Variants in DIDO1 observed in about 807,000 individuals in gnomAD.
The protein encoded by DIDO1 is death inducer-obliterator 1.
A neutral mutation model predicts 99.4 loss-of-function variants in DIDO1; 16 were observed. The observed-to-expected ratio is 0.16, with a 90% CI of 0.11 to 0.24. DIDO1 has a LOEUF of 0.24. Ranked by LOEUF, DIDO1 falls within the 10% of genes least tolerant of loss-of-function variation. DIDO1 has a pLI of 1.00. For missense variants in DIDO1, 2,996 were observed against 3,014.0 expected (o/e 0.99, Z 0.14); for synonymous variants, 1,366 against 1,239.1 (o/e 1.10, Z -2.15).
rs1461943467 is a variant in DIDO1 at position 62,936,632 on chromosome 20, G to A, written c.-200+1164C>T. On this transcript the variant is annotated intron_variant, in intron 1 of 15. Transcript: ENST00000266070. ...TGTAATCCCAGCACTTTGGGAGTCC[G>A]AGGCGGGCGGATCACGAGGTCAAGA... Among the ~76,000 whole-genome samples the A allele has an allele frequency of 3.9e-5, 6 of 152,126 alleles. 1 individual carries two copies. The highest frequency in any genetic ancestry group is 1.3e-4 in the Admixed American group (2 of 15,286).
chr20:62,901,227 C>A lies in DIDO1; in HGVS notation c.1589-4231G>T, dbSNP rs139667464. ...AGCCAGGACGCCCTTGCAGGGTCCA[C>A]AGCTAGACTGCCGTGTTTTGGAATA... is the stretch of plus-strand genomic sequence containing the variant. On this transcript the variant is annotated intron_variant, in intron 6 of 15. Transcript: ENST00000395343. Among the ~76,000 whole-genome samples the A allele has an allele frequency of 2.4e-3, 362 of 152,326 alleles. 6 individuals are homozygous for A. In the East Asian group the frequency reaches 0.032, roughly 13 times the overall value.
intron 2 of DIDO1, among the ~76,000 whole-genome samples, chr20:62,912,016 G>C (rs1304664425): frequency 6.6e-6 from 1 of 152,198 alleles, no homozygotes; most frequent in Non-Finnish European, 1.5e-5. Context: ...CAGCACCTCC[G>C]CAGGCAGATG....
In DIDO1 at chr20:62,894,315, T is replaced by C. The variant is rs1342098916; in HGVS notation, c.2572+98A>G. Reference sequence around the variant, plus strand: ...AAATCATTCTGGCCCTTCTGCGTGTTTAAGCTTACGTGCGGTTGCTTTTAG... The same window carrying C: ...AAATCATTCTGGCCCTTCTGCGTGTCTAAGCTTACGTGCGGTTGCTTTTAG... On this transcript the variant is annotated intron_variant, in intron 11 of 15. Coordinates refer to ENST00000395343, the MANE Select transcript of DIDO1 (RefSeq NM_001193369.2). This position sits in a 1 kb window ranked among gnomAD's most constrained non-coding sequence, Gnocchi z 4.4. 1 of 1,580,490 alleles carries C rather than the reference T, an allele frequency of 6.3e-7. No individual in the cohort carries two copies. Among genetic ancestry groups the C allele is most frequent in the African/African-American group, 1.4e-5 (1 of 74,018 alleles).
chr20:62,919,033 C>A (rs527570408), intron 1 of DIDO1, among the ~76,000 whole-genome samples: 31 of 152,178 alleles, frequency 2.0e-4, no homozygotes, highest in Non-Finnish European at 3.5e-4. Flanking sequence ...CGTTCATGTA[C>A]CATGATGGCC....
In DIDO1 at chr20:62,879,201, C is replaced by A; in HGVS notation, c.*32G>T. 2 of 1,451,848 alleles carry A rather than the reference C, an allele frequency of 1.4e-6. No individual in the cohort carries two copies. The highest frequency in any genetic ancestry group is 1.8e-6 in the Non-Finnish European group (2 of 1,107,386). The allele number at this position is 1,451,848 out of a possible 1,614,324, so 89.9% of individuals were successfully genotyped here. On this transcript the variant is annotated 3_prime_UTR_variant, in exon 16 of 16. Transcript: ENST00000395343. The surrounding 1 kb of genome is among the most constrained non-coding windows in gnomAD (Gnocchi z 6.3). ...TGTTCAACGCATCTTACGAACGTGGCTTTAAAAAGGGTCTCTGCCCGGCCG... is the reference window on the plus strand; with the variant it reads ...TGTTCAACGCATCTTACGAACGTGGATTTAAAAAGGGTCTCTGCCCGGCCG...
chr20:62,905,267 A>G (rs2064775140), intron 6 of DIDO1: 3 of 1,352,654 alleles, frequency 2.2e-6, no homozygotes, highest in Non-Finnish European at 2.9e-6. Flanking sequence ...CGTGGGGCCT[A>G]TGAAGCAGGA....
chr20:62,900,361 T>G (rs562727847), intron 6 of DIDO1, among the ~76,000 whole-genome samples: 1 of 152,334 alleles, frequency 6.6e-6, no homozygotes, highest in Admixed American at 6.5e-5. Flanking sequence ...AGCAGCACAC[T>G]CTAATTGGCC....
chr20:62,897,831 G>A (rs918999549), intron 6 of DIDO1, among the ~76,000 whole-genome samples: 1 of 152,180 alleles, frequency 6.6e-6, no homozygotes, highest in Admixed American at 6.5e-5. Flanking sequence ...GGGGACAGAT[G>A]GCCAGGGGAC....
intron 1 of DIDO1, among the ~76,000 whole-genome samples, chr20:62,932,397 A>G (rs2065340544): frequency 6.6e-6 from 1 of 152,254 alleles, no homozygotes; most frequent in Non-Finnish European, 1.5e-5. Context: ...ACACAGAGAG[A>G]ACTATCCACA....
intron 14 of DIDO1, 114 bp from the exon 15 acceptor site, chr20:62,891,269 C>T (rs2064392045): frequency 6.7e-7 from 1 of 1,496,868 alleles, no homozygotes; most frequent in African/African-American, 1.4e-5. Flanking sequence ...GACTCACAGC[C>T]ACGATCTCAC....
At chr20:62,908,492 G>A (rs764934238) in intron 4 of DIDO1, among the ~76,000 whole-genome samples, 12 of 152,142 alleles carry the variant, frequency 7.9e-5, no homozygotes, top group African/African-American at 2.7e-4. Flanking sequence ...GGAAACTCAC[G>A]CACCACAAAC....
In DIDO1 at chr20:62,894,931, G is replaced by C. The variant is rs770602376; in HGVS notation, c.2332-17C>G. 1 of 1,610,782 alleles carries C rather than the reference G, an allele frequency of 6.2e-7. No homozygotes were observed. The highest frequency in any genetic ancestry group is 1.1e-5 in the South Asian group (1 of 90,786). ...CTCCATCACCTGAAATGAAAAAGAC[G>C]AAACAGAGCTTAGGCCTTGTTTTCT... On this transcript the variant is annotated splice_polypyrimidine_tract_variant and intron_variant, in intron 9 of 15. Transcript: ENST00000395343. The surrounding 1 kb of genome is among the most constrained non-coding windows in gnomAD (Gnocchi z 4.4).
chr20:62,924,441 T>C (rs1235611384), intron 1 of DIDO1, among the ~76,000 whole-genome samples: 2 of 152,060 alleles, frequency 1.3e-5, no homozygotes, highest in Non-Finnish European at 2.9e-5. Flanking sequence ...TTTACAGAGA[T>C]TCCAAACAAT....
intron 1 of DIDO1, among the ~76,000 whole-genome samples, chr20:62,922,223 C>T (rs1353361655): frequency 3.3e-5 from 3 of 90,328 alleles, no homozygotes; most frequent in African/African-American, 8.7e-5. Flanking sequence ...TATATATACA[C>T]ACACACACAT....
chr20:62,911,105 T>A lies in DIDO1; in HGVS notation c.508A>T (p.Arg170Trp), dbSNP rs777562380. Reference sequence around the variant, plus strand: ...TCAGTGGGCTCCTGTTCCCGCTTCCTGCGAAGGCGATTCTGAAGCTCTTTC... The same window carrying A: ...TCAGTGGGCTCCTGTTCCCGCTTCCAGCGAAGGCGATTCTGAAGCTCTTTC... ...TLKELQNRLR[R>W]KREQEPTERP... The change falls in exon 3 of 16, where the codon AGG becomes TGG. Residue 170 changes from arginine (R) to tryptophan (W), a missense_variant. Physicochemically the swap from Arg to Trp is moderately radical, Grantham distance 101 (BLOSUM62 -3). Coordinates refer to ENST00000395343, the MANE Select transcript of DIDO1 (RefSeq NM_001193369.2). This position sits in a 1 kb window ranked among gnomAD's most constrained non-coding sequence, Gnocchi z 7.0. The A allele has an allele frequency of 6.2e-7, 1 of 1,614,056 alleles. No individual in the cohort carries two copies. Among genetic ancestry groups the A allele is most frequent in the Non-Finnish European group, 8.5e-7 (1 of 1,180,036 alleles).
In DIDO1 at chr20:62,894,792, A is replaced by C; in HGVS notation, c.2436+18T>G. On this transcript the variant is annotated intron_variant, in intron 10 of 15. Transcript: ENST00000395343. This position sits in a 1 kb window ranked among gnomAD's most constrained non-coding sequence, Gnocchi z 4.4. Reference sequence around the variant, plus strand: ...ATTAGTCTATTCTCGGTGAACACAAAATCTCCCAAATGCTTACCTCTGAAT... The same window carrying C: ...ATTAGTCTATTCTCGGTGAACACAACATCTCCCAAATGCTTACCTCTGAAT... The C allele has an allele frequency of 6.2e-7, 1 of 1,601,730 alleles. No individual in the cohort carries two copies. The highest frequency in any genetic ancestry group is 8.5e-7 in the Non-Finnish European group (1 of 1,175,698).
Position 62,879,556 on chromosome 20 carries a change from C to G in DIDO1, c.6400G>C (p.Glu2134Gln). The part of the protein sequence containing the change: ...SRERDWDRPR[E>Q]WDRHRDKDSS... ...TCCTTGTCCCGGTGTCGGTCCCACT[C>G]CCGGGGCCGGTCCCAGTCCCGCTCT... The change falls in exon 16 of 16, where the codon GAG (glutamate) becomes CAG (glutamine). Residue 2134 changes from glutamate to glutamine, a missense_variant. Physicochemically the swap from Glu to Gln is conservative, Grantham distance 29 (BLOSUM62 2). Transcript: ENST00000395343. The surrounding 1 kb of genome is among the most constrained non-coding windows in gnomAD (Gnocchi z 6.3). 2 of 1,601,242 alleles carry G rather than the reference C, an allele frequency of 1.2e-6. No homozygotes were observed. Among genetic ancestry groups the G allele is most frequent in the Non-Finnish European group, 1.7e-6 (2 of 1,179,442 alleles).
At chr20:62,921,413 G>A (rs1418597311) in intron 1 of DIDO1, among the ~76,000 whole-genome samples, 2 of 152,148 alleles carry the variant, frequency 1.3e-5, no homozygotes, top group East Asian at 3.9e-4. Flanking sequence ...AGGCCATTCC[G>A]GTTCAGTCAG....
chr20:62,902,642 G>T (rs924364387), intron 6 of DIDO1, among the ~76,000 whole-genome samples: 3 of 152,170 alleles, frequency 2.0e-5, no homozygotes, highest in African/African-American at 4.8e-5. Context: ...CCCACACCAT[G>T]AGTTATCCTT....
Sources: gnomAD v4.1 joint callset for allele counts (sites outside exome capture counted in the v4.1 genomes callset) on GRCh38, gnomAD v4.1.1 for gene constraint, Gnocchi (gnomAD v3.1) non-coding constraint, MANE v1.5 for transcripts, NCBI Gene and HGNC (gene_info 2026-07-23, HGNC 2026-07-21) for gene names.